AASS: variants seen among roughly 807,000 people sequenced by gnomAD.
AASS encodes the protein alpha-aminoadipic semialdehyde synthase, mitochondrial.
A neutral mutation model predicts 105.4 loss-of-function variants in AASS; 86 were observed. The ratio of observed to expected loss-of-function variants is 0.82; its 90% confidence interval spans 0.69 to 0.98. AASS has a LOEUF of 0.98. AASS is among the 50% of genes least tolerant of loss of function. The probability of loss-of-function intolerance (pLI) is 0.00; values close to 1 mark genes in which losing one functional copy is unlikely to be tolerated. For synonymous variants in AASS, 381 were observed against 394.8 expected (o/e 0.96, Z 0.41); for missense variants, 1,048 against 1,143.2 (o/e 0.92, Z 1.20).
chr7:122,104,348 C>A (rs1255855521), intron 11 of AASS, among the ~76,000 whole-genome samples: 1 of 152,094 alleles, frequency 6.6e-6, no homozygotes, highest in South Asian at 2.1e-4. Context: ...GTAATCCCAG[C>A]ACTTTGAGAG....
chr7:122,118,288 G>T lies in AASS; in HGVS notation c.687+19C>A. On this transcript the variant is annotated intron_variant, in intron 6 of 23. Transcript: ENST00000417368. Reference sequence around the variant, plus strand: ...AAAGTTTTGGATTGTTTTACAAAAGGAAGTCAGGTAAAAGTTACCTTAGAA... The same window carrying T: ...AAAGTTTTGGATTGTTTTACAAAAGTAAGTCAGGTAAAAGTTACCTTAGAA... 6.2e-7 allele frequency: 1 copy of T among 1,613,366 alleles called. No homozygotes were observed. Among genetic ancestry groups the T allele is most frequent in the East Asian group, 2.2e-5 (1 of 44,864 alleles).
intron 1 of AASS, 193 bp from the exon 2 acceptor site, chr7:122,133,934 ACTGC>A: frequency 1.6e-6 from 1 of 606,336 alleles, no homozygotes; most frequent in Admixed American, 2.9e-5. Flanking sequence ...AGATTATTTA[ACTGC>A]AAAATTTTAA....
chr7:122,105,245 A>T (rs1197222521), intron 11 of AASS, among the ~76,000 whole-genome samples: 1 of 152,194 alleles, frequency 6.6e-6, no homozygotes, highest in Non-Finnish European at 1.5e-5. Context: ...ATTAATCAAC[A>T]TGAAGGTAAA....
At chr7:122,133,235 C>T (rs1048166143) in intron 2 of AASS, among the ~76,000 whole-genome samples, 1 of 152,120 alleles carries the variant, frequency 6.6e-6, no homozygotes, top group Non-Finnish European at 1.5e-5. Flanking sequence ...AGGCAAGGTA[C>T]ATTCTCAAAG....
Position 122,074,472 on chromosome 7 carries a change from T to A in AASS, c.*2017A>T, listed in dbSNP as rs1792909982. 6.6e-6 allele frequency among the ~76,000 whole-genome samples: 1 copy of A among 152,144 alleles called. No homozygotes were observed. The highest frequency in any genetic ancestry group is 1.5e-5 in the Non-Finnish European group (1 of 68,032). ...TTGATATTGTCCTTGGAAACACAAA[T>A]GGTTTTAATTTTAATTTACCTATTT... On this transcript the variant is annotated 3_prime_UTR_variant, in exon 24 of 24. Coordinates refer to ENST00000417368, the MANE Select transcript of AASS (RefSeq NM_005763.4).
chr7:122,100,046 C>A (rs1054562571), intron 13 of AASS, among the ~76,000 whole-genome samples: 1 of 151,852 alleles, frequency 6.6e-6, no homozygotes, highest in African/African-American at 2.4e-5. Flanking sequence ...CCCCAGACTC[C>A]AGGTTAATAA....
chr7:122,085,761 G>A (rs1793593389), intron 19 of AASS, among the ~76,000 whole-genome samples: 1 of 152,060 alleles, frequency 6.6e-6, no homozygotes, highest in Admixed American at 6.6e-5. Flanking sequence ...CAGGTCCTGG[G>A]GAAGTCACTT....
intron 1 of AASS, among the ~76,000 whole-genome samples, chr7:122,135,158 A>G (rs1796085266): frequency 1.3e-5 from 2 of 152,002 alleles, no homozygotes; most frequent in African/African-American, 2.4e-5. Context: ...TAGCATTAGG[A>G]GATACACCTA....
At chr7:122,081,804 T>A (rs1162080023) in intron 19 of AASS, 1 of 561,558 alleles carries the variant, frequency 1.8e-6, no homozygotes, top group African/African-American at 1.9e-5. Context: ...CAAAAAAGTA[T>A]TGAGGATATA....
intron 1 of AASS, among the ~76,000 whole-genome samples, chr7:122,141,931 A>G (rs1796419761): frequency 6.6e-6 from 1 of 152,222 alleles, no homozygotes. Context: ...AATGTAGAAC[A>G]TAAATAGGCA....
intron 4 of AASS, among the ~76,000 whole-genome samples, chr7:122,121,475 G>A (rs974299753): frequency 2.0e-5 from 3 of 151,948 alleles, no homozygotes; most frequent in Non-Finnish European, 4.4e-5. Context: ...GTTCACTGCA[G>A]CCTCAACCTC....
rs757769673 is a variant in AASS at position 122,101,632 on chromosome 7, C to T, written c.1327G>A (p.Val443Met). Residue 443 changes from valine to methionine, a missense_variant, in exon 12 of 24, where the codon GTG (valine) becomes ATG (methionine). Physicochemically the swap from Val to Met is conservative, Grantham distance 21 (BLOSUM62 1). Coordinates refer to ENST00000417368, the MANE Select transcript of AASS (RefSeq NM_005763.4). ...QPLESQNFSP[V>M]VRDAVITSNG... The stretch of plus-strand genomic sequence containing the variant: ...TGCTCATAACTTACATCTCTCACCA[C>T]AGGAGAAAAATTCTGACTTTCAAGA... The T allele has an allele frequency of 3.2e-5, 51 of 1,611,012 alleles. No individual in the cohort carries two copies. The highest frequency in any genetic ancestry group is 4.2e-5 in the Non-Finnish European group (50 of 1,178,016).
Position 122,101,761 on chromosome 7 carries a change from T to C in AASS, c.1279-81A>G, listed in dbSNP as rs1191703915. Reference sequence around the variant, plus strand: ...GGTGTTTGTATCCATATTAAAATATTAATCAAGGGAAAAAAATAATTTAAG... The same window carrying C: ...GGTGTTTGTATCCATATTAAAATATCAATCAAGGGAAAAAAATAATTTAAG... On this transcript the variant is annotated intron_variant, in intron 11 of 23. Coordinates refer to ENST00000417368, the MANE Select transcript of AASS (RefSeq NM_005763.4). 2.9e-6 allele frequency: 3 copies of C among 1,039,696 alleles called. No individual in the cohort carries two copies. In the African/African-American group the frequency reaches 4.8e-5, roughly 17 times the overall value. The allele number at this position is 1,039,696 out of a possible 1,614,324, so 64.4% of individuals were successfully genotyped here. A position where few individuals can be genotyped will look rare whatever the true frequency, so the allele number is the denominator to read the frequency against.
chr7:122,078,805 C>A lies in AASS; in HGVS notation c.2485+57G>T. ...CAACCCTCCAATACGATTATCTGCACTGACTCTATCTTATGATTCTTCTTT... is the reference window on the plus strand; with the variant it reads ...CAACCCTCCAATACGATTATCTGCAATGACTCTATCTTATGATTCTTCTTT... On this transcript the variant is annotated intron_variant, in intron 22 of 23. Transcript: ENST00000417368. 4.0e-6 allele frequency: 6 copies of A among 1,514,788 alleles called. No individual in the cohort carries two copies. The South Asian group carries it at 6.7e-5, about 17-fold the overall frequency. 93.8% of individuals were successfully genotyped at this position (1,514,788 alleles called of 1,614,324 possible).
At chr7:122,127,225 A>G (rs1195336148) in intron 3 of AASS, among the ~76,000 whole-genome samples, 1 of 152,124 alleles carries the variant, frequency 6.6e-6, no homozygotes, top group Non-Finnish European at 1.5e-5. Context: ...TGCCTTCACT[A>G]AAAACATATT....
rs374739873 is a variant in AASS, at chr7:122,104,756, T to C, written c.1279-3076A>G. Among the ~76,000 whole-genome samples, 13 of 151,950 alleles carry C rather than the reference T, an allele frequency of 8.6e-5. No individual in the cohort carries two copies. The East Asian group carries it at 2.5e-3, about 29-fold the overall frequency. On this transcript the variant is annotated intron_variant, in intron 11 of 23. Coordinates refer to ENST00000417368, the MANE Select transcript of AASS (RefSeq NM_005763.4). Reference sequence around the variant, plus strand: ...CACATGGACACAAAGAAGGGAACAATAGAAACCAGGGTATACTTGAGGGTG... The same window carrying C: ...CACATGGACACAAAGAAGGGAACAACAGAAACCAGGGTATACTTGAGGGTG...
At chr7:122,117,349 C>T (rs1344105560) in intron 6 of AASS, among the ~76,000 whole-genome samples, 1 of 152,012 alleles carries the variant, frequency 6.6e-6, no homozygotes, top group Non-Finnish European at 1.5e-5. Context: ...GAATGATATC[C>T]TATTTGTAAA....
intron 3 of AASS, among the ~76,000 whole-genome samples, chr7:122,127,908 T>G (rs1030798731): frequency 3.9e-5 from 6 of 152,130 alleles, no homozygotes; most frequent in Non-Finnish European, 8.8e-5. Flanking sequence ...CCAACAGCCC[T>G]CTTAGATTAT....
chr7:122,085,532 CAT>C lies in AASS; in HGVS notation c.2184+478_2184+479del, dbSNP rs535481157. Among the ~76,000 whole-genome samples, 102 of 152,164 alleles carry C rather than the reference CAT, an allele frequency of 6.7e-4. 1 individual carries two copies. The highest frequency in any genetic ancestry group is 2.3e-3 in the African/African-American group (97 of 41,510). Reference sequence around the variant, plus strand: ...ATTGACTCCATCTCCAGTTCTAGGACATATAACATAGGCCAAAGTAGATGGGC... The same window carrying C: ...ATTGACTCCATCTCCAGTTCTAGGACATAACATAGGCCAAAGTAGATGGGC... On this transcript the variant is annotated intron_variant, in intron 19 of 23. Coordinates refer to ENST00000417368, the MANE Select transcript of AASS (RefSeq NM_005763.4).
Sources: gnomAD v4.1 joint callset for allele counts (sites outside exome capture counted in the v4.1 genomes callset) on GRCh38, gnomAD v4.1.1 for gene constraint, MANE v1.5 for transcripts, NCBI Gene and HGNC (gene_info 2026-07-23, HGNC 2026-07-21) for gene names.